APBB2: variants seen among roughly 807,000 people sequenced by gnomAD.
APBB2 encodes the protein amyloid beta precursor protein binding family B member 2, also known as Fe65-like 1.
A neutral mutation model predicts 82.5 loss-of-function variants in APBB2; 38 were observed. The ratio of observed to expected loss-of-function variants is 0.46; its 90% CI spans 0.36 to 0.60. APBB2 has a LOEUF of 0.60. APBB2 is among the 20% of genes least tolerant of loss of function. The pLI, the probability that APBB2 is intolerant of heterozygous loss-of-function variation, is 0.00. For synonymous variants in APBB2, 341 were observed against 368.2 expected, an observed-to-expected ratio of 0.93 and a Z score of 0.85; for missense variants, 772 against 972.3, an observed-to-expected ratio of 0.79 and a Z score of 2.74.
At chr4:41,025,515 C>CA (rs974573133) in intron 5 of APBB2, among the ~76,000 whole-genome samples, 3 of 151,958 alleles carry the variant, frequency 2.0e-5, no homozygotes, top group African/African-American at 7.3e-5. Context: ...GGTATATACT[C>CA]AGAGGAATAT....
intron 6 of APBB2, among the ~76,000 whole-genome samples, chr4:40,950,243 A>C (rs1460381749): frequency 6.6e-6 from 1 of 152,258 alleles, no homozygotes; most frequent in Admixed American, 6.5e-5. Context: ...TGCTCGTAGA[A>C]GGGTAATTTG....
intron 1 of APBB2, among the ~76,000 whole-genome samples, chr4:41,166,188 C>A (rs1250521657): frequency 2.0e-5 from 3 of 151,938 alleles, no homozygotes; most frequent in Non-Finnish European, 2.9e-5. Flanking sequence ...ACTTTCTGCT[C>A]CAAAAGGGAA....
At chr4:41,129,326 T>C (rs955059419) in intron 2 of APBB2, among the ~76,000 whole-genome samples, 30 of 151,994 alleles carry the variant, frequency 2.0e-4, no homozygotes, top group African/African-American at 6.0e-4. Flanking sequence ...TCAGTCACTC[T>C]CCACCACCAA....
intron 1 of APBB2, among the ~76,000 whole-genome samples, chr4:41,202,655 A>T (rs991801961): frequency 6.6e-6 from 1 of 152,242 alleles, no homozygotes; most frequent in African/African-American, 2.4e-5. Flanking sequence ...GCGTTGTTTA[A>T]CTTGACCATT....
chr4:41,047,771 C>A (rs910035863), intron 4 of APBB2, among the ~76,000 whole-genome samples: 3 of 152,212 alleles, frequency 2.0e-5, no homozygotes, highest in African/African-American at 7.2e-5. Context: ...CATGGCGACT[C>A]CAAAGACCTC....
At chr4:40,943,109 A>C (rs917271983) in intron 7 of APBB2, among the ~76,000 whole-genome samples, 3 of 152,184 alleles carry the variant, frequency 2.0e-5, no homozygotes, top group African/African-American at 7.2e-5. Flanking sequence ...GAGCAGGTTG[A>C]AATCTCAAAG....
chr4:41,082,300 C>T (rs28412038), intron 3 of APBB2, among the ~76,000 whole-genome samples: 239 of 152,302 alleles, frequency 1.6e-3, no homozygotes, highest in African/African-American at 5.4e-3. Flanking sequence ...CCTCATCACA[C>T]AGTACTTATT....
chr4:40,842,618 C>T lies in APBB2; in HGVS notation c.1530-12041G>A, dbSNP rs750996735. ...GAGATGCCAGCTGAATTTACAGAGG[C>T]AACATATCAACTGGGGGAGGTAATC... is the stretch of plus-strand genomic sequence containing the variant. On this transcript the variant is annotated intron_variant, in intron 12 of 17. Coordinates refer to ENST00000508593, the MANE Select transcript of APBB2 (RefSeq NM_004307.2). The T allele has an allele frequency of 8.8e-5, 17 of 192,192 alleles. No homozygotes were observed. In the Admixed American group the frequency reaches 9.1e-4, roughly 10 times the overall value. The allele number at this position is 192,192 out of a possible 1,614,324, so 11.9% of individuals were successfully genotyped here.
intron 6 of APBB2, among the ~76,000 whole-genome samples, chr4:40,983,870 C>T (rs1446539336): frequency 6.6e-6 from 1 of 152,148 alleles, no homozygotes; most frequent in Non-Finnish European, 1.5e-5. Flanking sequence ...AGCCATTGTG[C>T]CTAACTTTTT....
chr4:40,905,882 GC>G lies in APBB2; in HGVS notation c.1255-12472del, dbSNP rs545317390. Among the ~76,000 whole-genome samples the G allele has an allele frequency of 4.5e-3, 690 of 152,288 alleles. 1 individual carries two copies. The highest frequency in any genetic ancestry group is 0.017 in the Middle Eastern group (5 of 294). ...AAGGGTACGATGGTCCAGAACAGCA[GC>G]CTAGACACCTTCCTGACCCCTTGTG... On this transcript the variant is annotated intron_variant, in intron 10 of 17. Coordinates refer to ENST00000508593, the MANE Select transcript of APBB2 (RefSeq NM_004307.2).
rs533233102 is a variant in APBB2, at chr4:41,021,091, T to A, written c.20-6693A>T. Among the ~76,000 whole-genome samples the A allele has an allele frequency of 8.3e-4, 127 of 152,232 alleles. 1 individual carries two copies. The highest frequency in any genetic ancestry group is 1.6e-3 in the Non-Finnish European group (107 of 68,040). ...GGGCCCTGTATTTTTAATCTCCTTG[T>A]CAAATTTGTTTCCTCTGGGATTGAG... is the stretch of plus-strand genomic sequence containing the variant. On this transcript the variant is annotated intron_variant, in intron 5 of 17. Coordinates refer to ENST00000508593, the MANE Select transcript of APBB2 (RefSeq NM_004307.2).
rs189028273 is a variant in APBB2 at position 41,187,979 on chromosome 4, T to G, written c.-417+26426A>C. ...CCTCAATAGCATGAAAAATCATTACTCCTTAACTCTTTCCAATACATATTT... is the reference window on the plus strand; with the variant it reads ...CCTCAATAGCATGAAAAATCATTACGCCTTAACTCTTTCCAATACATATTT... On this transcript the variant is annotated intron_variant, in intron 1 of 17. Transcript: ENST00000508593. 5.8e-3 allele frequency among the ~76,000 whole-genome samples: 887 copies of G among 152,376 alleles called. 7 individuals carry two copies. Among genetic ancestry groups the G allele is most frequent in the Non-Finnish European group, 7.7e-3 (526 of 68,040 alleles).
chr4:40,898,190 G>C (rs1204986914), intron 10 of APBB2, among the ~76,000 whole-genome samples: 3 of 152,212 alleles, frequency 2.0e-5, no homozygotes, highest in African/African-American at 7.2e-5. Flanking sequence ...GCCCAAAGAA[G>C]ATAATGCTGG....
intron 3 of APBB2, among the ~76,000 whole-genome samples, chr4:41,082,793 A>C (rs2153935917): frequency 6.6e-6 from 1 of 152,284 alleles, no homozygotes; most frequent in East Asian, 1.9e-4. Context: ...AAATGGCAAC[A>C]ATCTAAATTT....
chr4:41,105,070 A>G (rs112610353), intron 2 of APBB2, among the ~76,000 whole-genome samples: 6 of 152,354 alleles, frequency 3.9e-5, no homozygotes, highest in African/African-American at 1.4e-4. Flanking sequence ...CCCACTCTCA[A>G]GAATGTGCTG....
chr4:41,049,275 G>A (rs6447584), intron 4 of APBB2, among the ~76,000 whole-genome samples: 24,877 of 146,748 alleles, frequency 0.17, 2,261 homozygotes, highest in Non-Finnish European at 0.21. Flanking sequence ...CTGCCCGGCC[G>A]CCCCGTCGGA....
intron 4 of APBB2, among the ~76,000 whole-genome samples, chr4:41,060,852 C>A (rs1439219485): frequency 6.6e-6 from 1 of 152,064 alleles, no homozygotes; most frequent in Non-Finnish European, 1.5e-5. Context: ...CAGGGTGTAC[C>A]CTGGCAGGAG....
At chr4:40,823,601 C>A in intron 16 of APBB2, 43 bp downstream of exon 16, 1 of 1,336,354 alleles carries the variant, frequency 7.5e-7, no homozygotes, top group South Asian at 1.2e-5. Flanking sequence ...ATCTTATACT[C>A]ACTGTATAAG....
At chr4:41,094,962 G>A (rs184698817) in intron 3 of APBB2, among the ~76,000 whole-genome samples, 26 of 152,150 alleles carry the variant, frequency 1.7e-4, no homozygotes, top group African/African-American at 5.3e-4. Context: ...CCCAGCCCTC[G>A]GGATCTTATA....
Sources: gnomAD v4.1 joint callset for allele counts (sites outside exome capture counted in the v4.1 genomes callset) on GRCh38, gnomAD v4.1.1 for gene constraint, MANE v1.5 for transcripts, NCBI Gene and HGNC (gene_info 2026-07-23, HGNC 2026-07-21) for gene names.